Variants in DAB2IP observed in about 807,000 individuals in gnomAD.
The protein encoded by DAB2IP is disabled homolog 2-interacting protein.
In DAB2IP, 28 loss-of-function variants were observed where a neutral mutation model predicts 107.2. The observed-to-expected ratio is 0.26, with a 90% confidence interval of 0.19 to 0.36. The LOEUF is 0.36. Among genes scored for constraint, DAB2IP ranks in the 10% least tolerant of loss-of-function variants. The probability of loss-of-function intolerance (pLI) is 1.00; values close to 1 mark genes in which losing one functional copy is unlikely to be tolerated. For missense variants in DAB2IP, 1,400 were observed against 1,644.7 expected (o/e 0.85, Z 2.57); for synonymous variants, 755 against 706.4 (o/e 1.07, Z -1.09).
chr9:121,748,750 C>T (rs901342207), intron 3 of DAB2IP, among the ~76,000 whole-genome samples: 2 of 152,224 alleles, frequency 1.3e-5, no homozygotes, highest in African/African-American at 2.4e-5. Flanking sequence ...TTGGGCACCA[C>T]GGGACACCAG....
At chr9:121,688,630 CTG>C (rs1422172786) in intron 2 of DAB2IP, among the ~76,000 whole-genome samples, 1 of 152,216 alleles carries the variant, frequency 6.6e-6, no homozygotes, top group Non-Finnish European at 1.5e-5. Context: ...CTCACGGACT[CTG>C]TGACTTCATG....
chr9:121,732,131 G>A (rs372394498), intron 3 of DAB2IP, among the ~76,000 whole-genome samples: 3 of 152,078 alleles, frequency 2.0e-5, no homozygotes, highest in Non-Finnish European at 2.9e-5. Flanking sequence ...AACTGTAACC[G>A]TCCTCTTTCC....
chr9:121,678,622 T>A, intron 1 of DAB2IP, 56 bp from the exon 2 acceptor site: 1 of 1,388,040 alleles, frequency 7.2e-7, no homozygotes, highest in Non-Finnish European at 9.5e-7. Context: ...CAGGAGGCCC[T>A]AGCTGTGTGG....
chr9:121,715,313 C>G (rs896982429), intron 3 of DAB2IP, among the ~76,000 whole-genome samples: 1 of 151,366 alleles, frequency 6.6e-6, no homozygotes, highest in African/African-American at 2.4e-5. Context: ...TTAATGACAG[C>G]GTGACTTGGG....
At chr9:121,637,872 G>A (rs865992573) in intron 1 of DAB2IP, among the ~76,000 whole-genome samples, 48 of 152,320 alleles carry the variant, frequency 3.2e-4, no homozygotes, top group Middle Eastern at 3.4e-3. Flanking sequence ...CCTGAGCAGT[G>A]ACTTGTTTGG....
At chr9:121,632,723 G>A (rs1831940469) in intron 1 of DAB2IP, among the ~76,000 whole-genome samples, 1 of 152,228 alleles carries the variant, frequency 6.6e-6, no homozygotes, top group African/African-American at 2.4e-5. Context: ...AATGAGACAG[G>A]CCTCAGAGAG....
Position 121,611,237 on chromosome 9 carries a change from G to T in DAB2IP, c.40+44009G>T, listed in dbSNP as rs151309462. 2.8e-3 allele frequency among the ~76,000 whole-genome samples: 433 copies of T among 152,340 alleles called. 1 individual carries two copies. The highest frequency in any genetic ancestry group is 9.9e-3 in the African/African-American group (412 of 41,580). ...GATCTGGCTGCCTCAGCCTCCCAAA[G>T]TGTTGGGATTACAGGCATGAGCTGC... is the stretch of plus-strand genomic sequence containing the variant. On this transcript the variant is annotated intron_variant, in intron 1 of 16. Transcript: ENST00000259371.
intron 1 of DAB2IP, among the ~76,000 whole-genome samples, chr9:121,641,865 C>CCA (rs1832301245): frequency 1.4e-5 from 2 of 140,488 alleles, no homozygotes; most frequent in Admixed American, 7.2e-5. Flanking sequence ...TCTTTCTTTT[C>CCA]TTTCTTTCTT....
At chr9:121,761,003 C>T (rs768946627) in intron 6 of DAB2IP, among the ~76,000 whole-genome samples, 17 of 152,192 alleles carry the variant, frequency 1.1e-4, no homozygotes, top group Non-Finnish European at 1.9e-4. Flanking sequence ...CTCACAGAAG[C>T]GGGAATCGTC....
At chr9:121,781,306 C>T (rs1039320761) in intron 14 of DAB2IP, among the ~76,000 whole-genome samples, 158 bp from the exon 15 acceptor site, 1 of 152,106 alleles carries the variant, frequency 6.6e-6, no homozygotes, top group African/African-American at 2.4e-5. Flanking sequence ...GGCTGGAGGG[C>T]CTCTGCCCCA....
In DAB2IP at chr9:121,738,477, A is replaced by G. The variant is rs1001552541; in HGVS notation, c.363-18536A>G. On this transcript the variant is annotated intron_variant, in intron 3 of 15. Coordinates refer to ENST00000408936, the Ensembl canonical transcript of DAB2IP. ...GAACATCAGACATCAGAGCCCTAAAACACAAATGTGTTTTCCTCCTCCCTA... is the reference window on the plus strand; with the variant it reads ...GAACATCAGACATCAGAGCCCTAAAGCACAAATGTGTTTTCCTCCTCCCTA... Among the ~76,000 whole-genome samples, 6 of 152,118 alleles carry G rather than the reference A, an allele frequency of 3.9e-5. No homozygotes were observed. The South Asian group carries it at 8.3e-4, about 21-fold the overall frequency.
intron 2 of DAB2IP, among the ~76,000 whole-genome samples, chr9:121,682,710 G>C (rs1237398237): frequency 1.3e-5 from 2 of 152,162 alleles, no homozygotes; most frequent in South Asian, 2.1e-4. Flanking sequence ...GGCATAAATA[G>C]GTGCTTAAAT....
At chr9:121,673,043 T>C (rs561050575) in intron 1 of DAB2IP, among the ~76,000 whole-genome samples, 1 of 152,336 alleles carries the variant, frequency 6.6e-6, no homozygotes, top group African/African-American at 2.4e-5. Flanking sequence ...TCTTTTCCTG[T>C]GTAAAATAAT....
chr9:121,773,987 G>A (rs966002236), intron 12 of DAB2IP, among the ~76,000 whole-genome samples: 38 of 152,176 alleles, frequency 2.5e-4, no homozygotes, highest in Non-Finnish European at 8.8e-5. Context: ...AGCCTGCCCC[G>A]GTGCCCCCAG....
Position 121,698,020 on chromosome 9 carries a change from C to T in DAB2IP, c.229-1305C>T, listed in dbSNP as rs891778054. ...GATGACTTGTACAGCCCATGTTTGA[C>T]CTTGTCATGTTGAAGATGGACAGAT... On this transcript the variant is annotated intron_variant, in intron 2 of 15. Transcript: ENST00000408936. This position sits in a 1 kb window ranked among gnomAD's most constrained non-coding sequence, Gnocchi z 4.1. Among the ~76,000 whole-genome samples the T allele has an allele frequency of 6.6e-6, 1 of 152,192 alleles. No homozygotes were observed. The highest frequency in any genetic ancestry group is 1.5e-5 in the Non-Finnish European group (1 of 68,028).
Position 121,635,034 on chromosome 9 carries a change from G to A in DAB2IP, c.41-43644G>A, listed in dbSNP as rs1421773718. 3.3e-5 allele frequency among the ~76,000 whole-genome samples: 5 copies of A among 152,118 alleles called. No individual in the cohort carries two copies. The highest frequency in any genetic ancestry group is 4.8e-5 in the African/African-American group (2 of 41,406). On this transcript the variant is annotated intron_variant, in intron 1 of 16. Transcript: ENST00000259371. The surrounding 1 kb of genome is among the most constrained non-coding windows in gnomAD (Gnocchi z 4.3). The stretch of plus-strand genomic sequence containing the variant: ...TGTGTATATGTGTGTGTGTGTGCGC[G>A]TGCGTGTGTATGTGTGTGTGCATGT...
intron 1 of DAB2IP, among the ~76,000 whole-genome samples, chr9:121,641,958 CTT>C (rs1163616583): frequency 1.8e-4 from 14 of 75,820 alleles, no homozygotes; most frequent in South Asian, 4.3e-4. Flanking sequence ...TCCTTTCTTT[CTT>C]TCTCTCTCTC....
intron 1 of DAB2IP, among the ~76,000 whole-genome samples, chr9:121,612,828 G>A (rs1397032803): frequency 6.6e-6 from 1 of 152,188 alleles, no homozygotes; most frequent in Non-Finnish European, 1.5e-5. Flanking sequence ...AGGCCCAGGA[G>A]GACAACTGCT....
chr9:121,674,497 A>G (rs1290445219), intron 1 of DAB2IP, among the ~76,000 whole-genome samples: 16 of 152,100 alleles, frequency 1.1e-4, no homozygotes. Context: ...GTGGGCCCCT[A>G]TCCTCCGGCC....
Sources: allele counts gnomAD v4.1 joint callset (sites outside exome capture counted in the v4.1 genomes callset), GRCh38; gene constraint gnomAD v4.1.1; non-coding constraint Gnocchi (gnomAD v3.1); transcripts MANE v1.5; gene names NCBI Gene and HGNC (gene_info 2026-07-23, HGNC 2026-07-21).